Variants in ANK3 observed in about 807,000 individuals in gnomAD.
The protein encoded by ANK3 is ankyrin-3.
A neutral mutation model predicts 370.9 loss-of-function variants in ANK3; 57 were observed. That is an observed-to-expected ratio of 0.15 (90% CI 0.12 to 0.19). The LOEUF (loss-of-function observed/expected upper bound fraction) is 0.19. Ranked by LOEUF, ANK3 falls within the 10% of genes least tolerant of loss-of-function variation. The pLI is 1.00. For synonymous variants in ANK3, 1,929 were observed against 1,946.3 expected, an observed-to-expected ratio of 0.99 and a Z score of 0.23; for missense variants, 4,439 against 5,302.1, an observed-to-expected ratio of 0.84 and a Z score of 5.06.
intron 32 of ANK3, 121 bp from the exon 33 acceptor site, chr10:60,083,738 G>A (rs572662327): frequency 6.8e-4 from 549 of 802,592 alleles, no homozygotes; most frequent in South Asian, 1.3e-3. Context: ...CTATTAGGCA[G>A]TTACTTCTGT....
chr10:60,145,589 A>G (rs1306405175), intron 23 of ANK3, among the ~76,000 whole-genome samples: 3 of 152,196 alleles, frequency 2.0e-5, no homozygotes, highest in Non-Finnish European at 4.4e-5. Flanking sequence ...TCATAATCTT[A>G]TAAAACAGAA....
chr10:60,336,348 C>T (rs1370941276), intron 1 of ANK3, among the ~76,000 whole-genome samples: 2 of 152,142 alleles, frequency 1.3e-5, no homozygotes, highest in South Asian at 2.1e-4. Flanking sequence ...CCAGATTTCA[C>T]TTTCTCATAA....
chr10:60,379,267 G>C (rs1232121929), intron 1 of ANK3, among the ~76,000 whole-genome samples: 1 of 152,076 alleles, frequency 6.6e-6, no homozygotes, highest in Non-Finnish European at 1.5e-5. Context: ...ACTGTTGGTG[G>C]GAATGTAAAC....
At chr10:60,452,721 C>T (rs1337122479) in intron 2 of ANK3, among the ~76,000 whole-genome samples, 1 of 152,084 alleles carries the variant, frequency 6.6e-6, no homozygotes, top group Non-Finnish European at 1.5e-5. Flanking sequence ...AAAAGTTCAC[C>T]TTTGATTTAA....
intron 1 of ANK3, among the ~76,000 whole-genome samples, chr10:60,324,939 G>T (rs1225923805): frequency 1.3e-5 from 2 of 152,112 alleles, no homozygotes; most frequent in Non-Finnish European, 2.9e-5. Context: ...GGATATTCTT[G>T]CTGTTAAACA....
chr10:60,356,660 T>C (rs2057792960), intron 1 of ANK3, among the ~76,000 whole-genome samples: 2 of 152,154 alleles, frequency 1.3e-5, no homozygotes, highest in South Asian at 2.1e-4. Flanking sequence ...ATATCCAAGG[T>C]CCCCTTGATC....
chr10:60,461,709 A>G lies in ANK3; in HGVS notation c.96+153477T>C, dbSNP rs1410157059. ...ATAACTATTATTTGAACGGCTTAGT[A>G]TCAGGAAAAGTGTTTGAAATGACTC... On this transcript the variant is annotated intron_variant, in intron 2 of 43. Coordinates refer to the ANK3 transcript ENST00000373827. Among the ~76,000 whole-genome samples, 5 of 152,226 alleles carry G rather than the reference A, an allele frequency of 3.3e-5. No homozygotes were observed. In the East Asian group the frequency reaches 9.6e-4, roughly 29 times the overall value.
intron 40 of ANK3, 185 bp downstream of exon 40, chr10:60,062,926 A>G (rs1043827799): frequency 7.3e-6 from 4 of 546,192 alleles, no homozygotes; most frequent in Admixed American, 3.4e-5. Context: ...TATATTGTAT[A>G]TAAACAGAGG....
intron 1 of ANK3, among the ~76,000 whole-genome samples, chr10:60,703,057 A>C (rs2079566537): frequency 6.6e-6 from 1 of 152,118 alleles, no homozygotes; most frequent in Admixed American, 6.6e-5. Context: ...AAAAGCAGAA[A>C]CCCACAGATT....
intron 2 of ANK3, among the ~76,000 whole-genome samples, chr10:60,458,174 G>A (rs1253944818): frequency 2.6e-5 from 4 of 151,954 alleles, no homozygotes; most frequent in Non-Finnish European, 4.4e-5. Context: ...TCTCTGACTC[G>A]GCATCCTGCA....
chr10:60,419,577 T>A (rs1245784871), intron 2 of ANK3, among the ~76,000 whole-genome samples: 9 of 152,190 alleles, frequency 5.9e-5, no homozygotes, highest in Admixed American at 3.9e-4. Context: ...CAGGACATCA[T>A]CAAAGACAAG....
chr10:60,686,484 T>G (rs1349880094), intron 1 of ANK3, among the ~76,000 whole-genome samples: 1 of 152,180 alleles, frequency 6.6e-6, no homozygotes, highest in East Asian at 1.9e-4. Flanking sequence ...TACTAATATT[T>G]TGCAGAACAA....
At chr10:60,406,213 A>G (rs958387586) in intron 2 of ANK3, among the ~76,000 whole-genome samples, 2 of 152,170 alleles carry the variant, frequency 1.3e-5, no homozygotes, top group African/African-American at 4.8e-5. Context: ...GTAGCATGAA[A>G]ACAGCCATAG....
chr10:60,713,783 G>A (rs1035701418), intron 1 of ANK3, among the ~76,000 whole-genome samples: 3 of 151,920 alleles, frequency 2.0e-5, no homozygotes, highest in African/African-American at 2.4e-5. Context: ...CCAGCTACTC[G>A]GGAGGCTGAG....
rs539642932 is a variant in ANK3, at chr10:60,108,940, G to C, written c.3063C>G (p.Thr1021=). 3.7e-6 allele frequency: 6 copies of C among 1,614,104 alleles called. No individual in the cohort carries two copies. The highest frequency in any genetic ancestry group is 5.1e-6 in the Non-Finnish European group (6 of 1,179,980). ...GTTTATGTCTCTTTACCAAACGGCA[G>C]GTGATTCGAGTGGGGGCCGTACACT... The part of the protein sequence containing the change: ...PRKCTAPTRI[T]CRLVKRHKLA... The change falls in exon 27 of 44, where the codon ACC becomes ACG. Residue 1021 remains threonine (T), a synonymous_variant. Coordinates refer to ENST00000280772, the MANE Select transcript of ANK3 (RefSeq NM_020987.5).
intron 25 of ANK3, among the ~76,000 whole-genome samples, chr10:60,118,299 A>G (rs567226899): frequency 8.3e-4 from 127 of 152,352 alleles, no homozygotes; most frequent in African/African-American, 3.0e-3. Context: ...CCTGAAGTCA[A>G]ATTGAAAAAT....
intron 1 of ANK3, among the ~76,000 whole-genome samples, chr10:60,309,488 A>C (rs2045885011): frequency 6.6e-6 from 1 of 152,180 alleles, no homozygotes; most frequent in African/African-American, 2.4e-5. Flanking sequence ...TTGAAAATGT[A>C]ATGAACTCTG....
intron 2 of ANK3, among the ~76,000 whole-genome samples, chr10:60,404,137 GA>G (rs2063406447): frequency 6.6e-6 from 1 of 151,924 alleles, no homozygotes; most frequent in East Asian, 1.9e-4. Context: ...CTCAAGGATT[GA>G]AAGATCCAAT....
rs867297849 is a variant in ANK3 at position 60,648,771 on chromosome 10, A to T, written c.58-33547T>A. On this transcript the variant is annotated intron_variant, in intron 1 of 43. Coordinates refer to the ANK3 transcript ENST00000373827. ...GGTGACAGAATAAGACTGTCTTAAA[A>T]AAAAAAAAAAAAAATTCTTGCTGGG... 2.0e-3 allele frequency among the ~76,000 whole-genome samples: 294 copies of T among 150,538 alleles called. 1 individual carries two copies. Among genetic ancestry groups the T allele is most frequent in the African/African-American group, 6.7e-3 (276 of 41,034 alleles).
Sources: allele counts gnomAD v4.1 joint callset (sites outside exome capture counted in the v4.1 genomes callset), GRCh38; gene constraint gnomAD v4.1.1; transcripts MANE v1.5; gene names NCBI Gene and HGNC (gene_info 2026-07-23, HGNC 2026-07-21).